The following UBP1 variants were observed in gnomAD, a reference collection of about 807,000 sequenced individuals.
UBP1 encodes the protein upstream binding protein 1.
A neutral mutation model predicts 76.1 loss-of-function variants in UBP1; 22 were observed. The observed-to-expected ratio is 0.29, with a 90% CI of 0.21 to 0.41. The LOEUF is 0.41. Among genes scored for constraint, UBP1 ranks in the 10% least tolerant of loss-of-function variants. The probability of loss-of-function intolerance (pLI) is 1.00; values close to 1 mark genes in which losing one functional copy is unlikely to be tolerated. For missense variants in UBP1, 436 were observed against 668.1 expected (o/e 0.65, Z 3.83); for synonymous variants, 224 against 237.1 (o/e 0.94, Z 0.51).
intron 1 of UBP1, among the ~76,000 whole-genome samples, chr3:33,426,887 A>G (rs1333820816): frequency 1.3e-5 from 2 of 152,114 alleles, no homozygotes; most frequent in African/African-American, 4.8e-5. Context: ...ACACTTTTCT[A>G]TGTTTTTGTG....
Position 33,396,290 on chromosome 3 carries a change from G to A in UBP1, c.1272-10C>T. Reference sequence around the variant, plus strand: ...ACGGGGTCTAACCGACCTGCAATCAGAAGATGCCACTGATGAGCCTGGGAG... The same window carrying A: ...ACGGGGTCTAACCGACCTGCAATCAAAAGATGCCACTGATGAGCCTGGGAG... On this transcript the variant is annotated splice_polypyrimidine_tract_variant and intron_variant, in intron 12 of 15. Coordinates refer to ENST00000283629, the MANE Select transcript of UBP1 (RefSeq NM_014517.5). The A allele has an allele frequency of 6.4e-7, 1 of 1,565,028 alleles. No individual in the cohort carries two copies. The highest frequency in any genetic ancestry group is 8.8e-7 in the Non-Finnish European group (1 of 1,141,784).
At chr3:33,431,732 T>G (rs1175625265) in intron 1 of UBP1, among the ~76,000 whole-genome samples, 2 of 140,688 alleles carry the variant, frequency 1.4e-5, no homozygotes, top group Admixed American at 7.4e-5. Context: ...AGAGTGAGAC[T>G]CCGTCTCAAA....
intron 2 of UBP1, among the ~76,000 whole-genome samples, chr3:33,418,718 G>C (rs1332447769): frequency 2.0e-5 from 3 of 151,722 alleles, no homozygotes; most frequent in Non-Finnish European, 2.9e-5. Flanking sequence ...AATTAGCTGG[G>C]CGTGGTGGTG....
intron 1 of UBP1, among the ~76,000 whole-genome samples, chr3:33,435,048 A>G (rs2045183010): frequency 6.6e-6 from 1 of 152,212 alleles, no homozygotes; most frequent in African/African-American, 2.4e-5. Context: ...CATCCCACAA[A>G]GCCTAAAATA....
At chr3:33,441,117 T>C (rs2045295552), upstream of UBP1, among the ~76,000 whole-genome samples, 1 of 152,252 alleles carries the variant, frequency 6.6e-6, no homozygotes, top group Admixed American at 6.5e-5. Flanking sequence ...ACCGAACCAT[T>C]AGGACGTGCC....
At chr3:33,408,612 T>TA in intron 8 of UBP1, 78 bp downstream of exon 8, 1 of 1,209,376 alleles carries the variant, frequency 8.3e-7, no homozygotes, top group South Asian at 1.6e-5. Flanking sequence ...TGGCTTTACT[T>TA]TGCGGTGGAA....
chr3:33,408,565 G>T, intron 8 of UBP1, 125 bp downstream of exon 8: 1 of 673,478 alleles, frequency 1.5e-6, no homozygotes. Flanking sequence ...CTAAACAAAA[G>T]CAAATTAAAT....
rs1044948309 is a variant in UBP1 at position 33,437,504 on chromosome 3, G to A, written c.113+2232C>T. On this transcript the variant is annotated intron_variant, in intron 1 of 15. Transcript: ENST00000283629. ...ATGAGGAAACCATTCCCTAAGAGAA[G>A]TCTTTTAAGAAATACCTCTTGTTTT... Among the ~76,000 whole-genome samples, 4 of 152,158 alleles carry A rather than the reference G, an allele frequency of 2.6e-5. No homozygotes were observed. The East Asian group carries it at 5.8e-4, about 22-fold the overall frequency.
At chr3:33,397,408 C>A in intron 11 of UBP1, 1 of 248,994 alleles carries the variant, frequency 4.0e-6, no homozygotes, top group Non-Finnish European at 7.6e-6. Flanking sequence ...GAACTCTTCC[C>A]GATATAGGAT....
At chr3:33,412,581 CAA>C (rs35702863) in intron 4 of UBP1, 139 bp downstream of exon 4, 34,213 of 486,774 alleles carry the variant, frequency 0.07, no homozygotes, top group East Asian at 0.1. Flanking sequence ...GGCTCTGTCT[CAA>C]AAAAAAAAAA....
At position 33,406,817 on chromosome 3, in the gene UBP1, T is replaced by G. The variant is rs190050416; in HGVS notation, c.927+1873A>C. On this transcript the variant is annotated intron_variant, in intron 8 of 15. Coordinates refer to ENST00000283629, the MANE Select transcript of UBP1 (RefSeq NM_014517.5). ...ATCACCCATTTTAGGCTGTAGAAAT[T>G]GGCAGTCATCATTTGAGCCAATCAT... is the stretch of plus-strand genomic sequence containing the variant. Among the ~76,000 whole-genome samples the G allele has an allele frequency of 3.9e-5, 6 of 152,302 alleles. 1 individual carries two copies. The highest frequency in any genetic ancestry group is 1.4e-4 in the African/African-American group (6 of 41,570).
At chr3:33,438,484 C>G (rs577916145) in intron 1 of UBP1, among the ~76,000 whole-genome samples, 2 of 152,304 alleles carry the variant, frequency 1.3e-5, no homozygotes, top group East Asian at 3.9e-4. Context: ...CTTTCAGTAG[C>G]TCAATTTCCT....
intron 2 of UBP1, among the ~76,000 whole-genome samples, chr3:33,418,683 A>T (rs1258432841): frequency 6.6e-6 from 1 of 151,114 alleles, no homozygotes; most frequent in Non-Finnish European, 1.5e-5. Context: ...ACATGGAGAA[A>T]CCTCATCTCT....
rs374985642 is a variant in UBP1, at chr3:33,401,776, G to C, written c.1032-760C>G. Reference sequence around the variant, plus strand: ...TGCTGGGAACACAATAAGTTCTCCAGTCTACTAGTGAGTACATAAACTTAC... The same window carrying C: ...TGCTGGGAACACAATAAGTTCTCCACTCTACTAGTGAGTACATAAACTTAC... On this transcript the variant is annotated intron_variant, in intron 9 of 15. Coordinates refer to ENST00000283629, the MANE Select transcript of UBP1 (RefSeq NM_014517.5). Among the ~76,000 whole-genome samples, 3 of 152,318 alleles carry C rather than the reference G, an allele frequency of 2.0e-5. No individual in the cohort carries two copies. The East Asian group carries it at 5.8e-4, about 29-fold the overall frequency.
In UBP1 at chr3:33,409,603, TATA is replaced by T. The variant is rs1256907623; in HGVS notation, c.556-5_556-3del. 6.2e-7 allele frequency: 1 copy of T among 1,614,212 alleles called. No individual in the cohort carries two copies. Among genetic ancestry groups the T allele is most frequent in the South Asian group, 1.1e-5 (1 of 91,090 alleles). On this transcript the variant is annotated splice_region_variant and splice_polypyrimidine_tract_variant and intron_variant, in intron 5 of 15. Coordinates refer to ENST00000283629, the MANE Select transcript of UBP1 (RefSeq NM_014517.5). ...AAATTCTGTGCTGATGCAGTGTACCTATAAAACGATTCAGGCTGAAATGGATTC... is the reference window on the plus strand; with the variant it reads ...AAATTCTGTGCTGATGCAGTGTACCTAAACGATTCAGGCTGAAATGGATTC...
intron 13 of UBP1, among the ~76,000 whole-genome samples, chr3:33,394,814 CTTGTTTT>C (rs375608984): frequency 0.084 from 10,300 of 122,060 alleles, 451 homozygotes; most frequent in East Asian, 0.15. Context: ...CTGCCCTCCA[CTTGTTTT>C]TTTTTTTTTT....
chr3:33,400,377 A>C (rs2044178606), intron 10 of UBP1, 95 bp from the exon 11 acceptor site: 1 of 936,988 alleles, frequency 1.1e-6, no homozygotes, highest in Non-Finnish European at 1.6e-6. Flanking sequence ...GAAGTAAAAA[A>C]CACCCAAAAA....
intron 13 of UBP1, 136 bp from the exon 14 acceptor site, chr3:33,393,590 A>G (rs892124011): frequency 8.0e-6 from 6 of 752,504 alleles, no homozygotes; most frequent in Non-Finnish European, 1.1e-5. Flanking sequence ...AAATGGGAAT[A>G]AACTATTTCT....
intron 13 of UBP1, 93 bp from the exon 14 acceptor site, chr3:33,393,547 T>G: frequency 8.1e-7 from 1 of 1,229,734 alleles, no homozygotes. Context: ...AGGTCACACC[T>G]TTCAAAGTAC....
Sources: gnomAD v4.1 joint callset for allele counts (sites outside exome capture counted in the v4.1 genomes callset) on GRCh38, gnomAD v4.1.1 for gene constraint, MANE v1.5 for transcripts, NCBI Gene and HGNC (gene_info 2026-07-23, HGNC 2026-07-21) for gene names.